The following ENOX1 variants were observed in gnomAD, a reference collection of about 807,000 sequenced individuals.
The protein encoded by ENOX1 is candidate growth-related and time keeping constitutive hydroquinone (NADH) oxidase.
In ENOX1, 42 loss-of-function variants were observed where a neutral mutation model predicts 82.5. That is an observed-to-expected ratio of 0.51 (90% CI 0.40 to 0.66). The LOEUF (loss-of-function observed/expected upper bound fraction) is 0.66, where lower values mean the gene tolerates loss of function less well. ENOX1 is among the 30% of genes least tolerant of loss of function. ENOX1 has a pLI of 0.00. For synonymous variants in ENOX1, 271 were observed against 282.2 expected, an observed-to-expected ratio of 0.96 and a Z score of 0.40; for missense variants, 608 against 811.6, an observed-to-expected ratio of 0.75 and a Z score of 3.05.
At chr13:43,433,314 G>A (rs1470142313) in intron 3 of ENOX1, among the ~76,000 whole-genome samples, 1 of 152,084 alleles carries the variant, frequency 6.6e-6, no homozygotes, top group Non-Finnish European at 1.5e-5. Context: ...AGTCTTCCTT[G>A]AGCGAGAACT....
At chr13:43,657,046 A>C (rs2084469252) in intron 2 of ENOX1, among the ~76,000 whole-genome samples, 1 of 152,236 alleles carries the variant, frequency 6.6e-6, no homozygotes, top group Non-Finnish European at 1.5e-5. Context: ...ATAATCCACA[A>C]ACTAAATAGC....
chr13:43,474,079 T>A (rs1593383738), intron 3 of ENOX1, among the ~76,000 whole-genome samples: 1 of 152,276 alleles, frequency 6.6e-6, no homozygotes, highest in Non-Finnish European at 1.5e-5. Context: ...TTTTTAAAAT[T>A]AATACAAGTT....
intron 3 of ENOX1, among the ~76,000 whole-genome samples, chr13:43,414,827 A>G (rs1354876972): frequency 6.6e-6 from 1 of 152,168 alleles, no homozygotes; most frequent in Non-Finnish European, 1.5e-5. Context: ...TCGAGTCTGC[A>G]GTTCTGGAAC....
chr13:43,642,318 A>C (rs963812536), intron 2 of ENOX1, among the ~76,000 whole-genome samples: 1 of 152,180 alleles, frequency 6.6e-6, no homozygotes, highest in Admixed American at 6.5e-5. Context: ...ATCAAGAAAG[A>C]AAGCTGGGAG....
chr13:43,357,700 G>T (rs1249313940), intron 7 of ENOX1, among the ~76,000 whole-genome samples: 4 of 152,012 alleles, frequency 2.6e-5, no homozygotes, highest in African/African-American at 9.7e-5. Context: ...AAACATTTCT[G>T]GCTCCAGAAA....
At chr13:43,645,142 C>G (rs1427420046) in intron 2 of ENOX1, among the ~76,000 whole-genome samples, 3 of 152,078 alleles carry the variant, frequency 2.0e-5, no homozygotes, top group Admixed American at 2.0e-4. Flanking sequence ...GTGTGTTTTT[C>G]TTAGCCAAAA....
At chr13:43,338,569 C>A (rs1038819782) in intron 9 of ENOX1, among the ~76,000 whole-genome samples, 3 of 150,574 alleles carry the variant, frequency 2.0e-5, no homozygotes, top group African/African-American at 4.9e-5. Context: ...GCAGGATAGA[C>A]GATGTCCTCA....
At chr13:43,474,439 TA>T (rs1245653423) in intron 3 of ENOX1, among the ~76,000 whole-genome samples, 1 of 152,182 alleles carries the variant, frequency 6.6e-6, no homozygotes, top group African/African-American at 2.4e-5. Flanking sequence ...ACTTGAAATT[TA>T]AGATTTTTCT....
chr13:43,306,297 A>G (rs1251000402), intron 11 of ENOX1, among the ~76,000 whole-genome samples: 1 of 152,208 alleles, frequency 6.6e-6, no homozygotes, highest in African/African-American at 2.4e-5. Flanking sequence ...CCCCAAGGCC[A>G]GGCAGGAGCA....
At chr13:43,498,264 T>C (rs2076861132) in intron 2 of ENOX1, among the ~76,000 whole-genome samples, 1 of 152,138 alleles carries the variant, frequency 6.6e-6, no homozygotes, top group African/African-American at 2.4e-5. Flanking sequence ...CTCCATGGAA[T>C]TTAGCATAGT....
chr13:43,578,268 G>T (rs915120868), intron 2 of ENOX1, among the ~76,000 whole-genome samples: 5 of 152,034 alleles, frequency 3.3e-5, no homozygotes, highest in Admixed American at 2.0e-4. Flanking sequence ...GGCTGAGAAA[G>T]ATTTAAAAAC....
chr13:43,348,393 GT>G, intron 8 of ENOX1, among the ~76,000 whole-genome samples: 1 of 152,296 alleles, frequency 6.6e-6, no homozygotes, highest in South Asian at 2.1e-4. Context: ...GTTACTCTGA[GT>G]TTTTCCCTTT....
chr13:43,336,396 C>T (rs77818055), intron 9 of ENOX1, among the ~76,000 whole-genome samples: 2,736 of 152,304 alleles, frequency 0.018, 93 homozygotes, highest in African/African-American at 0.062. Flanking sequence ...ACACTTGAGG[C>T]TTTTACAATT....
At chr13:43,237,290 G>C (rs538331009) in intron 14 of ENOX1, among the ~76,000 whole-genome samples, 1 of 152,158 alleles carries the variant, frequency 6.6e-6, no homozygotes, top group African/African-American at 2.4e-5. Flanking sequence ...AAAATGAAGA[G>C]TTGTACAACA....
At chr13:43,283,477 C>T (rs2045516782) in intron 12 of ENOX1, among the ~76,000 whole-genome samples, 4 of 152,082 alleles carry the variant, frequency 2.6e-5, no homozygotes, top group Admixed American at 2.6e-4. Flanking sequence ...GGATCTCACT[C>T]TGTTACCCAG....
intron 2 of ENOX1, among the ~76,000 whole-genome samples, chr13:43,645,636 TTC>T (rs2083863798): frequency 6.6e-6 from 1 of 152,222 alleles, no homozygotes; most frequent in African/African-American, 2.4e-5. Flanking sequence ...TCATTGGAAG[TTC>T]TGAACTCCAT....
chr13:43,627,765 G>C (rs1422293005), intron 2 of ENOX1, among the ~76,000 whole-genome samples: 2 of 151,482 alleles, frequency 1.3e-5, no homozygotes, highest in Non-Finnish European at 2.9e-5. Context: ...TTTCTATTTA[G>C]AGAACTTTTT....
At chr13:43,505,349 G>C (rs969531151) in intron 2 of ENOX1, among the ~76,000 whole-genome samples, 1 of 151,938 alleles carries the variant, frequency 6.6e-6, no homozygotes, top group African/African-American at 2.4e-5. Flanking sequence ...ATGATCAAAA[G>C]AAGGCAGAAA....
rs770282697 is a variant in ENOX1 at position 43,550,886 on chromosome 13, C to T, written c.-218-66734G>A. Among the ~76,000 whole-genome samples, 6 of 152,140 alleles carry T rather than the reference C, an allele frequency of 3.9e-5. 1 individual carries two copies. In the East Asian group the frequency reaches 9.6e-4, roughly 24 times the overall value. ...GATAGCAATTTAGATCAGCAGTTTA[C>T]GTTATTAAGGAAAGGAGTTCGTATT... On this transcript the variant is annotated intron_variant, in intron 2 of 16. Coordinates refer to ENST00000690772, the MANE Select transcript of ENOX1 (RefSeq NM_001347969.2).
Sources: gnomAD v4.1 joint callset for allele counts (sites outside exome capture counted in the v4.1 genomes callset) on GRCh38, gnomAD v4.1.1 for gene constraint, MANE v1.5 for transcripts, NCBI Gene and HGNC (gene_info 2026-07-23, HGNC 2026-07-21) for gene names.